Variants in MACROD2 observed in about 807,000 individuals in gnomAD.
The protein encoded by MACROD2 is mono-ADP ribosylhydrolase 2, also known as ADP-ribose glycohydrolase MACROD2.
Under a neutral mutation model 70.4 loss-of-function variants are expected in MACROD2, and 36 were observed. The observed-to-expected ratio is 0.51, with a 90% CI of 0.39 to 0.68. MACROD2 has a LOEUF of 0.68. Among genes scored for constraint, MACROD2 ranks in the 30% least tolerant of loss-of-function variants. MACROD2 has a pLI of 0.00. For synonymous variants in MACROD2, 172 were observed against 178.8 expected (o/e 0.96, Z 0.30); for missense variants, 496 against 538.4 (o/e 0.92, Z 0.78).
At chr20:14,885,841 T>C (rs142516106) in intron 5 of MACROD2, among the ~76,000 whole-genome samples, 1 of 152,210 alleles carries the variant, frequency 6.6e-6, no homozygotes, top group Non-Finnish European at 1.5e-5. Context: ...TTTCAATTGC[T>C]CACTTCCTCT....
intron 3 of MACROD2, among the ~76,000 whole-genome samples, chr20:14,143,838 A>C (rs958161867): frequency 6.6e-6 from 1 of 152,200 alleles, no homozygotes; most frequent in Admixed American, 6.5e-5. Context: ...AGATAATTAG[A>C]CAAGACTTAT....
chr20:15,548,401 G>A (rs1252025819), intron 8 of MACROD2, among the ~76,000 whole-genome samples: 1 of 151,618 alleles, frequency 6.6e-6, no homozygotes, highest in African/African-American at 2.4e-5. Flanking sequence ...TTTTTGTTTT[G>A]TTTTGTTTTT....
At chr20:14,467,535 C>G (rs2084471007) in intron 3 of MACROD2, among the ~76,000 whole-genome samples, 1 of 152,060 alleles carries the variant, frequency 6.6e-6, no homozygotes, top group African/African-American at 2.4e-5. Flanking sequence ...TGCGCTGCCC[C>G]CACTGTCCTG....
At chr20:15,453,807 A>G (rs936704746) in intron 7 of MACROD2, among the ~76,000 whole-genome samples, 2 of 152,118 alleles carry the variant, frequency 1.3e-5, no homozygotes, top group African/African-American at 4.8e-5. Context: ...CTACCCAGCA[A>G]GTGTCTGGTC....
chr20:15,857,764 A>C (rs905089727), intron 8 of MACROD2, among the ~76,000 whole-genome samples: 1 of 152,220 alleles, frequency 6.6e-6, no homozygotes, highest in Non-Finnish European at 1.5e-5. Context: ...GAAAGAAAAA[A>C]ACTATAGAGA....
intron 8 of MACROD2, among the ~76,000 whole-genome samples, chr20:15,847,569 C>T (rs188969291): frequency 3.2e-4 from 48 of 152,198 alleles, no homozygotes; most frequent in African/African-American, 1.1e-3. Flanking sequence ...CAGCATTTAG[C>T]GTCACAGATG....
At position 15,678,422 on chromosome 20, in the gene MACROD2, T is replaced by G. The variant is rs569864518; in HGVS notation, c.645+178575T>G. ...TAGCCCAGGCTGGAGTGCAGTGGCA[T>G]GATCTCGGCTCACTGCAAGCTCTGC... On this transcript the variant is annotated intron_variant, in intron 8 of 17. Coordinates refer to ENST00000684519, the MANE Select transcript of MACROD2 (RefSeq NM_001351661.2). Among the ~76,000 whole-genome samples the G allele has an allele frequency of 4.6e-5, 7 of 151,406 alleles. No individual in the cohort carries two copies. In the South Asian group the frequency reaches 8.3e-4, roughly 18 times the overall value.
chr20:15,916,789 A>G (rs2065323156), intron 10 of MACROD2, among the ~76,000 whole-genome samples: 1 of 152,260 alleles, frequency 6.6e-6, no homozygotes, highest in South Asian at 2.1e-4. Flanking sequence ...TTATCTTAAC[A>G]GAGGATCAAG....
chr20:15,893,929 C>T (rs1280866196), intron 10 of MACROD2: 2 of 456,554 alleles, frequency 4.4e-6, no homozygotes, highest in Non-Finnish European at 8.8e-6. Context: ...CTAGGAAGTG[C>T]CTCAGTCTGC....
At chr20:15,431,981 A>G (rs1190086335) in intron 7 of MACROD2, among the ~76,000 whole-genome samples, 1 of 152,042 alleles carries the variant, frequency 6.6e-6, no homozygotes. Context: ...TTACAGATGG[A>G]AGCAAAATGT....
intron 4 of MACROD2, among the ~76,000 whole-genome samples, chr20:14,572,001 G>A (rs1427961223): frequency 4.6e-5 from 7 of 151,986 alleles, no homozygotes; most frequent in Non-Finnish European, 1.0e-4. Flanking sequence ...AGTTATGTTC[G>A]GTTTGGAAGT....
chr20:14,718,318 A>AG (rs1367156450), intron 5 of MACROD2, among the ~76,000 whole-genome samples: 28 of 138,202 alleles, frequency 2.0e-4, no homozygotes, highest in African/African-American at 6.3e-4. Flanking sequence ...AAAAAAAAAA[A>AG]GAAGAGATAT....
At chr20:15,764,929 C>T (rs1191037167) in intron 8 of MACROD2, among the ~76,000 whole-genome samples, 2 of 152,212 alleles carry the variant, frequency 1.3e-5, no homozygotes, top group Non-Finnish European at 2.9e-5. Context: ...TCTACCCATG[C>T]TGGCCTTCCT....
At chr20:14,950,228 G>A (rs2074464333) in intron 5 of MACROD2, among the ~76,000 whole-genome samples, 1 of 152,038 alleles carries the variant, frequency 6.6e-6, no homozygotes. Flanking sequence ...TATCATTCTA[G>A]GCTACTAGAA....
intron 2 of MACROD2, among the ~76,000 whole-genome samples, chr20:14,085,065 AG>A (rs11366056): frequency 1 from 133,854 of 134,110 alleles, 66,925 homozygotes; most frequent in East Asian, 1. Context: ...GGCGGGGCTG[AG>A]GGCAGAGAAT....
At chr20:14,619,349 G>A (rs369522320) in intron 4 of MACROD2, among the ~76,000 whole-genome samples, 1 of 139,712 alleles carries the variant, frequency 7.2e-6, no homozygotes, top group African/African-American at 2.7e-5. Context: ...GAGAGAGGAA[G>A]AAAAGGAAGG....
At chr20:14,128,873 T>C (rs1001227286) in intron 3 of MACROD2, among the ~76,000 whole-genome samples, 24 of 152,198 alleles carry the variant, frequency 1.6e-4, no homozygotes, top group Non-Finnish European at 2.2e-4. Flanking sequence ...TGGCATGGCT[T>C]ACTGAATATT....
At chr20:15,325,703 G>A (rs1488898373) in intron 6 of MACROD2, among the ~76,000 whole-genome samples, 1 of 152,134 alleles carries the variant, frequency 6.6e-6, no homozygotes, top group East Asian at 1.9e-4. Flanking sequence ...ATCATTCGTG[G>A]CATGTCTTCC....
chr20:14,383,992 G>A (rs2083447140), intron 3 of MACROD2, among the ~76,000 whole-genome samples: 1 of 151,926 alleles, frequency 6.6e-6, no homozygotes, highest in South Asian at 2.1e-4. Context: ...TTTTCAATTT[G>A]TGCTTATATT....
Sources: gnomAD v4.1 joint callset for allele counts (sites outside exome capture counted in the v4.1 genomes callset) on GRCh38, gnomAD v4.1.1 for gene constraint, MANE v1.5 for transcripts, NCBI Gene and HGNC (gene_info 2026-07-23, HGNC 2026-07-21) for gene names.